Variants in UBOX5 observed in about 807,000 individuals in gnomAD.
UBOX5 encodes U-box domain containing 5, also known as RING finger protein 37.
Under a neutral mutation model 39.0 loss-of-function variants are expected in UBOX5, and 28 were observed. That is an observed-to-expected ratio of 0.72 (90% confidence interval 0.53 to 0.98). The LOEUF (loss-of-function observed/expected upper bound fraction) is 0.98. Ranked by LOEUF, UBOX5 falls within the 50% of genes least tolerant of loss-of-function variation. The probability of loss-of-function intolerance (pLI) is 0.00; values close to 1 mark genes in which losing one functional copy is unlikely to be tolerated. For missense variants in UBOX5, 585 were observed against 674.4 expected, an observed-to-expected ratio of 0.87 and a Z score of 1.47; for synonymous variants, 283 against 275.5, an observed-to-expected ratio of 1.03 and a Z score of -0.27.
At chr20:3,115,495 C>T (rs1227664134) in intron 3 of UBOX5, 29 bp from the exon 4 acceptor site, 1 of 1,580,586 alleles carries the variant, frequency 6.3e-7, no homozygotes, top group Non-Finnish European at 8.6e-7. Flanking sequence ...AGCACAACAT[C>T]CAGAGACAGG....
chr20:3,137,773 T>C (rs73573807), intron 1 of UBOX5, among the ~76,000 whole-genome samples: 3,647 of 152,302 alleles, frequency 0.024, 115 homozygotes, highest in African/African-American at 0.077. Flanking sequence ...AAGAATTTCA[T>C]GTTATCCTTT....
chr20:3,111,308 C>T (rs1019588445), intron 4 of UBOX5, among the ~76,000 whole-genome samples: 1 of 152,004 alleles, frequency 6.6e-6, no homozygotes, highest in Admixed American at 6.6e-5. Flanking sequence ...GTTTCTTAAC[C>T]CCCCTTCTCT....
intron 1 of UBOX5, among the ~76,000 whole-genome samples, chr20:3,132,115 G>A (rs1248606536): frequency 6.6e-6 from 1 of 151,316 alleles, no homozygotes; most frequent in Non-Finnish European, 1.5e-5. Context: ...TTCGAGACCA[G>A]CCTTGCCAAC....
At chr20:3,138,647 T>C (rs6076479) in intron 1 of UBOX5, among the ~76,000 whole-genome samples, 2,057 of 152,316 alleles carry the variant, frequency 0.014, 17 homozygotes, top group Middle Eastern at 0.037. Context: ...CATAGTACTT[T>C]TGGTGCTAAA....
At chr20:3,115,824 T>C (rs2066289961) in intron 3 of UBOX5, among the ~76,000 whole-genome samples, 1 of 124,456 alleles carries the variant, frequency 8.0e-6, no homozygotes. Context: ...AGTGCAGGGG[T>C]GCCATCTCAG....
At chr20:3,111,083 G>A (rs984987734) in intron 4 of UBOX5, among the ~76,000 whole-genome samples, 3 of 152,084 alleles carry the variant, frequency 2.0e-5, no homozygotes, top group Admixed American at 1.3e-4. Flanking sequence ...CCCTTCTTCC[G>A]CAACTCCTTC....
chr20:3,158,895 T>G (rs990221634), intron 1 of UBOX5, among the ~76,000 whole-genome samples: 1 of 152,204 alleles, frequency 6.6e-6, no homozygotes. Flanking sequence ...ATTCACAAAG[T>G]GTAGAAAACG....
chr20:3,119,497 G>C lies in UBOX5; in HGVS notation c.1255+1887C>G, dbSNP rs575032193. Reference sequence around the variant, plus strand: ...AATGAATGTTTGTTGCTGTAAGCCAGTAAGTTTTGGGGTAATTTGTTACCT... The same window carrying C: ...AATGAATGTTTGTTGCTGTAAGCCACTAAGTTTTGGGGTAATTTGTTACCT... On this transcript the variant is annotated intron_variant, in intron 3 of 4. Transcript: ENST00000217173. 1.6e-3 allele frequency among the ~76,000 whole-genome samples: 237 copies of C among 152,334 alleles called. 3 individuals are homozygous for C. The highest frequency in any genetic ancestry group is 9.6e-4 in the East Asian group (5 of 5,190).
intron 4 of UBOX5, chr20:3,111,835 T>G (rs1183550530): frequency 6.6e-6 from 1 of 152,236 alleles, no homozygotes; most frequent in Non-Finnish European, 1.5e-5. Context: ...CCTCAGGACC[T>G]GGCGCAGCAC....
At chr20:3,119,567 TCTCAGGCC>T (rs1326902215) in intron 3 of UBOX5, among the ~76,000 whole-genome samples, 1 of 152,184 alleles carries the variant, frequency 6.6e-6, no homozygotes, top group East Asian at 1.9e-4. Flanking sequence ...AAAACATCTA[TCTCAGGCC>T]AGGCGCGGTG....
intron 3 of UBOX5, 119 bp downstream of exon 3, chr20:3,121,265 A>G: frequency 7.1e-7 from 1 of 1,418,092 alleles, no homozygotes; most frequent in Non-Finnish European, 9.5e-7. Context: ...GGAAGGAGGC[A>G]GCACAGGCAC....
chr20:3,149,030 C>T lies in UBOX5; in HGVS notation c.-42+10736G>A, dbSNP rs201689640. 341 of 1,613,504 alleles carry T rather than the reference C, an allele frequency of 2.1e-4. No individual in the cohort carries two copies. Among genetic ancestry groups the T allele is most frequent in the Non-Finnish European group, 2.5e-4 (299 of 1,179,816 alleles). ...AAAGGCAGAAGGACTGCAAAATGCT[C>T]GGTATCTTACAAGTTTTAATGACTT... On this transcript the variant is annotated intron_variant, in intron 1 of 4. Transcript: ENST00000217173. The surrounding 1 kb of genome is among the most constrained non-coding windows in gnomAD (Gnocchi z 4.1).
chr20:3,110,875 C>A (rs1568467100), intron 4 of UBOX5, among the ~76,000 whole-genome samples: 2 of 151,820 alleles, frequency 1.3e-5, no homozygotes, highest in Non-Finnish European at 2.9e-5. Context: ...AGCACATGGT[C>A]CAGTGCACCA....
At chr20:3,126,895 G>A (rs374987735) in intron 1 of UBOX5, among the ~76,000 whole-genome samples, 147 of 151,994 alleles carry the variant, frequency 9.7e-4, no homozygotes, top group African/African-American at 3.4e-3. Context: ...AAGCAGTTGG[G>A]CATGGTGGCA....
intron 4 of UBOX5, among the ~76,000 whole-genome samples, chr20:3,113,843 G>C (rs1462200670): frequency 2.6e-5 from 4 of 152,192 alleles, no homozygotes; most frequent in Non-Finnish European, 5.9e-5. Flanking sequence ...CCTTTAGAGA[G>C]GATGCTGAGC....
At position 3,109,896 on chromosome 20, in the gene UBOX5, C is replaced by A; in HGVS notation, c.*210G>T. ...GGGGGTGGCAGGGAGGCAGGGACAT[C>A]CCCCCGCCCTCTGGCCTATGGCTTT... On this transcript the variant is annotated 3_prime_UTR_variant, in exon 5 of 5. Transcript: ENST00000217173. 1 of 624,968 alleles carries A rather than the reference C, an allele frequency of 1.6e-6. No individual in the cohort carries two copies. The highest frequency in any genetic ancestry group is 2.8e-6 in the Non-Finnish European group (1 of 362,066). 38.7% of individuals were successfully genotyped at this position (624,968 alleles called of 1,614,324 possible). A position where few individuals can be genotyped will look rare whatever the true frequency, so the allele number is the denominator to read the frequency against.
intron 1 of UBOX5, among the ~76,000 whole-genome samples, chr20:3,136,377 AGAGTCT>A (rs982619094): frequency 1.1e-4 from 14 of 125,170 alleles, no homozygotes; most frequent in African/African-American, 4.2e-4. Flanking sequence ...TTTTTGAGAC[AGAGTCT>A]CTCTCTGTCA....
intron 1 of UBOX5, among the ~76,000 whole-genome samples, chr20:3,143,518 G>T (rs1423499926): frequency 2.0e-5 from 3 of 152,036 alleles, no homozygotes; most frequent in Non-Finnish European, 4.4e-5. Flanking sequence ...GTTAACATCG[G>T]GGTACAGTGG....
chr20:3,127,944 G>A (rs567186696), intron 1 of UBOX5, among the ~76,000 whole-genome samples: 2 of 152,254 alleles, frequency 1.3e-5, no homozygotes, highest in South Asian at 2.1e-4. Context: ...TGTTCTTTGT[G>A]AGCCTGTGTT....
Sources: gnomAD v4.1 joint callset for allele counts (sites outside exome capture counted in the v4.1 genomes callset) on GRCh38, gnomAD v4.1.1 for gene constraint, Gnocchi (gnomAD v3.1) non-coding constraint, MANE v1.5 for transcripts, NCBI Gene and HGNC (gene_info 2026-07-23, HGNC 2026-07-21) for gene names.